The following IQCM variants were observed in gnomAD, a reference collection of about 807,000 sequenced individuals.
The protein encoded by IQCM is IQ domain-containing protein M.
A neutral mutation model predicts 57.6 loss-of-function variants in IQCM; 45 were observed. That is an observed-to-expected ratio of 0.78 (90% confidence interval 0.62 to 1.00). The LOEUF (loss-of-function observed/expected upper bound fraction) is 1.00. IQCM is among the 50% of genes least tolerant of loss of function. The pLI is 0.00. For synonymous variants in IQCM, 148 were observed against 158.9 expected, an observed-to-expected ratio of 0.93 and a Z score of 0.51; for missense variants, 468 against 511.6, an observed-to-expected ratio of 0.91 and a Z score of 0.82.
chr4:149,678,026 A>C (rs143015409), intron 7 of IQCM, among the ~76,000 whole-genome samples: 4 of 151,980 alleles, frequency 2.6e-5, no homozygotes, highest in African/African-American at 4.8e-5. Flanking sequence ...ATCACCTAAA[A>C]GATATAGAAA....
At chr4:149,677,497 G>A (rs1214454916) in intron 7 of IQCM, among the ~76,000 whole-genome samples, 1 of 151,980 alleles carries the variant, frequency 6.6e-6, no homozygotes, top group Admixed American at 6.6e-5. Context: ...GCAGTTGCCT[G>A]ACAGTAAAGA....
chr4:149,406,157 G>A (rs1732966677), intron 13 of IQCM, among the ~76,000 whole-genome samples: 2 of 151,790 alleles, frequency 1.3e-5, no homozygotes, highest in South Asian at 4.1e-4. Context: ...TCTACCCTTA[G>A]CCAGGAACTG....
At chr4:149,444,130 T>C (rs1335275153) in intron 12 of IQCM, among the ~76,000 whole-genome samples, 1 of 151,168 alleles carries the variant, frequency 6.6e-6, no homozygotes, top group African/African-American at 2.4e-5. Flanking sequence ...CGCTATCAAT[T>C]CAAAGGAGAA....
chr4:149,491,928 T>C (rs1025001964), intron 12 of IQCM, among the ~76,000 whole-genome samples: 1 of 151,960 alleles, frequency 6.6e-6, no homozygotes, highest in African/African-American at 2.4e-5. Flanking sequence ...TTATCTTTCA[T>C]TTTTTTTCAT....
intron 12 of IQCM, among the ~76,000 whole-genome samples, chr4:149,458,170 A>G (rs1737903072): frequency 6.6e-6 from 1 of 152,078 alleles, no homozygotes; most frequent in Admixed American, 6.6e-5. Context: ...TTTATACTTG[A>G]AAGTGCTTAA....
At chr4:149,591,545 G>A (rs1008063441) in intron 8 of IQCM, among the ~76,000 whole-genome samples, 8 of 151,730 alleles carry the variant, frequency 5.3e-5, no homozygotes, top group African/African-American at 1.7e-4. Context: ...ATGGTGTGCT[G>A]CACCCATTAA....
intron 5 of IQCM, among the ~76,000 whole-genome samples, chr4:149,707,471 G>C (rs1261065308): frequency 6.6e-6 from 1 of 151,952 alleles, no homozygotes; most frequent in African/African-American, 2.4e-5. Context: ...ACGAATGTGA[G>C]GCTCTGGACA....
At chr4:149,777,480 GTTTA>G (rs1429733943) in intron 2 of IQCM, among the ~76,000 whole-genome samples, 2 of 152,092 alleles carry the variant, frequency 1.3e-5, no homozygotes, top group Non-Finnish European at 2.9e-5. Flanking sequence ...TGAGAAACAA[GTTTA>G]TTTATCAATG....
chr4:149,491,381 A>T (rs1273729864), intron 12 of IQCM, among the ~76,000 whole-genome samples: 1 of 152,082 alleles, frequency 6.6e-6, no homozygotes, highest in Non-Finnish European at 1.5e-5. Context: ...TTTTGAACTT[A>T]TTATTCCTAA....
chr4:149,435,888 T>C (rs1315641877), intron 12 of IQCM, among the ~76,000 whole-genome samples: 1 of 152,176 alleles, frequency 6.6e-6, no homozygotes, highest in Non-Finnish European at 1.5e-5. Flanking sequence ...ACAATCTATT[T>C]GTGTTTTCAG....
At chr4:149,353,436 A>G (rs1434352680) in intron 13 of IQCM, among the ~76,000 whole-genome samples, 1 of 152,218 alleles carries the variant, frequency 6.6e-6, no homozygotes, top group East Asian at 1.9e-4. Context: ...TTCTGGGCAT[A>G]TACCCAAAGG....
In IQCM at chr4:149,520,373, T is replaced by G. The variant is rs1745504109; in HGVS notation, c.1228+28082A>C. ...AACACGTTCCTGTTTTCCTGGGTGG[T>G]TCACCATTTTGCCTGTTGTCCCAGG... is the stretch of plus-strand genomic sequence containing the variant. On this transcript the variant is annotated intron_variant, in intron 12 of 13. Transcript: ENST00000636793. 1.3e-5 allele frequency among the ~76,000 whole-genome samples: 2 copies of G among 152,030 alleles called. 1 individual carries two copies. Among genetic ancestry groups the G allele is most frequent in the South Asian group, 4.1e-4 (2 of 4,822 alleles).
At chr4:149,490,584 C>G (rs1001289058) in intron 12 of IQCM, among the ~76,000 whole-genome samples, 2 of 152,044 alleles carry the variant, frequency 1.3e-5, no homozygotes, top group African/African-American at 4.8e-5. Flanking sequence ...ATCCTTTACT[C>G]CATTATTCAG....
At chr4:149,654,332 T>C (rs918748493) in intron 7 of IQCM, among the ~76,000 whole-genome samples, 1 of 152,082 alleles carries the variant, frequency 6.6e-6, no homozygotes, top group African/African-American at 2.4e-5. Context: ...GTTTGGGCCA[T>C]GGGGGTGGAT....
intron 12 of IQCM, among the ~76,000 whole-genome samples, chr4:149,522,685 A>G (rs1745775210): frequency 6.6e-6 from 1 of 152,146 alleles, no homozygotes; most frequent in African/African-American, 2.4e-5. Flanking sequence ...AACAGATCCA[A>G]AAAATATAAC....
intron 8 of IQCM, among the ~76,000 whole-genome samples, chr4:149,616,723 A>G (rs984536267): frequency 6.6e-6 from 1 of 152,070 alleles, no homozygotes. Context: ...CACACAGGGC[A>G]TGTTGGGCGG....
At chr4:149,718,550 T>C (rs984073803) in intron 5 of IQCM, among the ~76,000 whole-genome samples, 3 of 152,260 alleles carry the variant, frequency 2.0e-5, no homozygotes, top group Non-Finnish European at 4.4e-5. Flanking sequence ...AATTGAAATG[T>C]ACTTTCAGAA....
chr4:149,616,408 A>G (rs914729816), intron 8 of IQCM, among the ~76,000 whole-genome samples: 2 of 152,132 alleles, frequency 1.3e-5, no homozygotes, highest in Admixed American at 1.3e-4. Flanking sequence ...CAGAAAGTAG[A>G]ATGGTGGTTT....
At chr4:149,782,208 T>G (rs1771666212) in intron 2 of IQCM, among the ~76,000 whole-genome samples, 1 of 152,054 alleles carries the variant, frequency 6.6e-6, no homozygotes, top group Non-Finnish European at 1.5e-5. Flanking sequence ...ATAATAAATA[T>G]ACATCCTACT....
Sources: gnomAD v4.1 joint callset for allele counts (sites outside exome capture counted in the v4.1 genomes callset) on GRCh38, gnomAD v4.1.1 for gene constraint, MANE v1.5 for transcripts, NCBI Gene and HGNC (gene_info 2026-07-23, HGNC 2026-07-21) for gene names.